Variants in SPTBN1 observed in about 807,000 individuals in gnomAD.
SPTBN1 encodes spectrin beta, non-erythrocytic 1, also known as spectrin beta chain, non-erythrocytic 1.
SPTBN1 carries 32 observed loss-of-function variants against 266.4 expected under a neutral mutation model. That is an observed-to-expected ratio of 0.12 (90% CI 0.09 to 0.16). SPTBN1 has a LOEUF of 0.16. SPTBN1 is among the 10% of genes least tolerant of loss of function. SPTBN1 has a pLI of 1.00. For synonymous variants in SPTBN1, 1,336 were observed against 1,162.2 expected (o/e 1.15, Z -3.04); for missense variants, 2,296 against 3,067.1 (o/e 0.75, Z 5.94).
intron 1 of SPTBN1, among the ~76,000 whole-genome samples, chr2:54,492,750 C>T (rs1668758055): frequency 6.6e-6 from 1 of 152,172 alleles, no homozygotes; most frequent in Non-Finnish European, 1.5e-5. Context: ...TAATTGACTA[C>T]TGAGTGGATT....
At chr2:54,624,416 G>A (rs189635467) in intron 10 of SPTBN1, among the ~76,000 whole-genome samples, 6 of 152,292 alleles carry the variant, frequency 3.9e-5, no homozygotes, top group Admixed American at 3.3e-4. Context: ...AAGTGGCCCA[G>A]GGTGGAATGA....
At position 54,624,893 on chromosome 2, in the gene SPTBN1, C is replaced by T; in HGVS notation, c.1272C>T (p.Ala424=). The T allele has an allele frequency of 6.2e-7, 1 of 1,614,032 alleles. No individual in the cohort carries two copies. The highest frequency in any genetic ancestry group is 8.5e-7 in the Non-Finnish European group (1 of 1,179,976). Residue 424 remains alanine (A), a synonymous_variant, in exon 11 of 36, where the codon GCC becomes GCT. Transcript: ENST00000356805. ...GACAGGAGAAACTGGAACAGCTCGC[C>T]CGCAGATTTGATCGCAAGGCAGCTA... ...LIRQEKLEQL[A]RRFDRKAAMR...
At position 54,644,500 on chromosome 2, in the gene SPTBN1, T is replaced by C. The variant is rs1679794738; in HGVS notation, c.4183T>C (p.Trp1395Arg). Residue 1395 changes from tryptophan (W) to arginine (R), a missense_variant, in exon 20 of 36, where the codon TGG (tryptophan) becomes CGG (arginine). By Grantham distance (101) the Trp-to-Arg change is moderately radical. Coordinates refer to ENST00000356805, the MANE Select transcript of SPTBN1 (RefSeq NM_003128.3). ...FTQSCADLDK[W>R]LHGLESQIQS... is the part of the protein sequence containing the mutation. ...CCAGAGCTGTGCAGATCTAGACAAA[T>C]GGCTGCACGGCCTGGAGAGTCAGAT... 6.2e-7 allele frequency: 1 copy of C among 1,614,068 alleles called. No individual in the cohort carries two copies. The highest frequency in any genetic ancestry group is 1.3e-5 in the African/African-American group (1 of 74,922).
At chr2:54,615,572 T>C (rs1677547395) in intron 4 of SPTBN1, among the ~76,000 whole-genome samples, 1 of 152,234 alleles carries the variant, frequency 6.6e-6, no homozygotes, top group South Asian at 2.1e-4. Context: ...TTAGCCACTG[T>C]CATTATTTCC....
intron 31 of SPTBN1, 130 bp downstream of exon 31, chr2:54,659,396 TGTTTAAAGGCTGTACA>T: frequency 1.1e-6 from 1 of 874,968 alleles, no homozygotes; most frequent in Non-Finnish European, 1.8e-6. Context: ...TTCCATAGAC[TGTTTAAAGGCTGTACA>T]GTTATCCCTA....
At chr2:54,488,892 C>G (rs1668545114) in intron 1 of SPTBN1, among the ~76,000 whole-genome samples, 1 of 151,654 alleles carries the variant, frequency 6.6e-6, no homozygotes, top group South Asian at 2.1e-4. Context: ...AGTGCCATGG[C>G]AAAAATTAAG....
chr2:54,456,880 C>T (rs1000783328), intron 1 of SPTBN1, among the ~76,000 whole-genome samples: 10 of 151,376 alleles, frequency 6.6e-5, no homozygotes, highest in African/African-American at 2.4e-4. Flanking sequence ...TCCCTGCAGC[C>T]GGGCGCGGCG....
chr2:54,633,738 T>C (rs1206076637), intron 17 of SPTBN1, among the ~76,000 whole-genome samples: 1 of 152,190 alleles, frequency 6.6e-6, no homozygotes, highest in Admixed American at 6.5e-5. Flanking sequence ...AGGAAAAATA[T>C]TCCTTTGCTT....
Position 54,628,892 on chromosome 2 carries a change from G to A in SPTBN1, c.1799-41G>A, listed in dbSNP as rs771032711. 1 of 1,538,708 alleles carries A rather than the reference G, an allele frequency of 6.5e-7. No homozygotes were observed. The highest frequency in any genetic ancestry group is 2.0e-5 in the Admixed American group (1 of 48,986). On this transcript the variant is annotated intron_variant, in intron 13 of 35. Coordinates refer to ENST00000356805, the MANE Select transcript of SPTBN1 (RefSeq NM_003128.3). The surrounding 1 kb of genome is among the most constrained non-coding windows in gnomAD (Gnocchi z 4.3). ...GCCAGTGAGCCTGCACCCATGCTGAGCTCCCTCACACAGCCACGTTCCTTC... is the reference window on the plus strand; with the variant it reads ...GCCAGTGAGCCTGCACCCATGCTGAACTCCCTCACACAGCCACGTTCCTTC...
Position 54,668,726 on chromosome 2 carries a change from G to C in SPTBN1, c.*157G>C. On this transcript the variant is annotated 3_prime_UTR_variant, in exon 36 of 36. Coordinates refer to ENST00000356805, the MANE Select transcript of SPTBN1 (RefSeq NM_003128.3). ...ATAGAGCATTTCGGGGGGGGTGGGG[G>C]AAACACACCTAAACACTTTATCTCC... is the stretch of plus-strand genomic sequence containing the variant. 4 of 593,806 alleles carry C rather than the reference G, an allele frequency of 6.7e-6. No homozygotes were observed. The highest frequency in any genetic ancestry group is 1.1e-5 in the Non-Finnish European group (4 of 360,090). The allele number at this position is 593,806 out of a possible 1,614,324, so 36.8% of individuals were successfully genotyped here.
chr2:54,561,245 A>G lies in SPTBN1; in HGVS notation c.148+34679A>G, dbSNP rs553760497. Among the ~76,000 whole-genome samples the G allele has an allele frequency of 5.3e-5, 8 of 152,326 alleles. No homozygotes were observed. In the East Asian group the frequency reaches 1.5e-3, roughly 29 times the overall value. The stretch of plus-strand genomic sequence containing the variant: ...ACAGCAGCCTTGAAGTCCTGGCTCA[A>G]GCCATCCTCCCACCTCAGCCTCCCA... On this transcript the variant is annotated intron_variant, in intron 2 of 35. Coordinates refer to ENST00000356805, the MANE Select transcript of SPTBN1 (RefSeq NM_003128.3).
At chr2:54,456,653 C>G (rs997451676) in intron 1 of SPTBN1, 135 bp downstream of exon 1, 2 of 151,192 alleles carry the variant, frequency 1.3e-5, no homozygotes, top group Non-Finnish European at 3.0e-5. Flanking sequence ...CTGCCCTGCG[C>G]CCGGGGAGCC....
chr2:54,487,111 A>G (rs1384042063), intron 1 of SPTBN1, among the ~76,000 whole-genome samples: 1 of 141,846 alleles, frequency 7.0e-6, no homozygotes, highest in African/African-American at 2.7e-5. Context: ...CACAGTTTAT[A>G]TTGTTCATGT....
chr2:54,600,305 G>C (rs1251243067), intron 3 of SPTBN1, among the ~76,000 whole-genome samples: 1 of 152,206 alleles, frequency 6.6e-6, no homozygotes, highest in African/African-American at 2.4e-5. Flanking sequence ...TTCAGTTCAA[G>C]AACAGGGCTC....
chr2:54,465,654 A>ATATATATATATATATG (rs1693597310), intron 1 of SPTBN1, among the ~76,000 whole-genome samples: 1 of 101,534 alleles, frequency 9.8e-6, no homozygotes, highest in South Asian at 2.8e-4. Context: ...ATATATATAT[A>ATATATATATATATATG]TATATATATA....
At chr2:54,634,362 A>G (rs1443115024) in intron 17 of SPTBN1, among the ~76,000 whole-genome samples, 2 of 152,214 alleles carry the variant, frequency 1.3e-5, no homozygotes, top group Non-Finnish European at 2.9e-5. Flanking sequence ...TTTGCCCTTG[A>G]CCAAGAGCCT....
chr2:54,642,953 A>G, intron 18 of SPTBN1, 30 bp from the exon 19 acceptor site: 1 of 1,598,020 alleles, frequency 6.3e-7, no homozygotes, highest in South Asian at 1.1e-5. Context: ...CTAGGATCAC[A>G]ATCTCTGAAT....
At chr2:54,610,322 T>C (rs902766326) in intron 3 of SPTBN1, among the ~76,000 whole-genome samples, 2 of 152,256 alleles carry the variant, frequency 1.3e-5, no homozygotes, top group Non-Finnish European at 2.9e-5. Flanking sequence ...GCCTTTAAAT[T>C]GTCATATGAT....
At chr2:54,479,875 C>G (rs572561701) in intron 1 of SPTBN1, among the ~76,000 whole-genome samples, 1 of 147,858 alleles carries the variant, frequency 6.8e-6, no homozygotes, top group African/African-American at 2.5e-5. Context: ...TTTTTTTTTT[C>G]CAAGAGGCAA....
Sources: allele counts gnomAD v4.1 joint callset (sites outside exome capture counted in the v4.1 genomes callset), GRCh38; gene constraint gnomAD v4.1.1; non-coding constraint Gnocchi (gnomAD v3.1); transcripts MANE v1.5; gene names NCBI Gene and HGNC (gene_info 2026-07-23, HGNC 2026-07-21).